The following PDLIM3 variants were observed in gnomAD, a reference collection of about 807,000 sequenced individuals.
PDLIM3 encodes PDZ and LIM domain 3.
Under a neutral mutation model 37.3 loss-of-function variants are expected in PDLIM3, and 36 were observed. The observed-to-expected ratio is 0.97, with a 90% CI of 0.74 to 1.28. PDLIM3 has a LOEUF of 1.28. Among genes scored for constraint, PDLIM3 ranks in the 50% most tolerant of loss-of-function variants. The pLI, the probability that PDLIM3 is intolerant of heterozygous loss-of-function variation, is 0.00. For synonymous variants in PDLIM3, 174 were observed against 182.4 expected (o/e 0.95, Z 0.37); for missense variants, 454 against 485.0 (o/e 0.94, Z 0.60).
intron 4 of PDLIM3, 111 bp from the exon 5 acceptor site, chr4:185,508,673 T>C: frequency 9.5e-7 from 1 of 1,052,160 alleles, no homozygotes; most frequent in Non-Finnish European, 1.5e-6. Flanking sequence ...AAGACAAAAG[T>C]GAGAGGTGAA....
In PDLIM3 at chr4:185,502,356, C is replaced by G. The variant is rs373408599; in HGVS notation, c.1033G>C (p.Ala345Pro). 1.9e-6 allele frequency: 3 copies of G among 1,614,220 alleles called. No homozygotes were observed. Among genetic ancestry groups the G allele is most frequent in the East Asian group, 2.2e-5 (1 of 44,880 alleles). The stretch of plus-strand genomic sequence containing the variant: ...TCTGGGGGCTTTGTGCGGGCTCTTG[C>G]GTGGGTTTCGCAGTACAGCTCCCCT... ...IEGELYCETH[A>P]RARTKPPEGY... The change falls in exon 8 of 8, where the codon GCA becomes CCA. Residue 345 changes from alanine (A) to proline (P), a missense_variant. Physicochemically the swap from Ala to Pro is conservative, Grantham distance 27. Coordinates refer to ENST00000284767, the MANE Select transcript of PDLIM3 (RefSeq NM_014476.6).
Position 185,535,415 on chromosome 4 carries a change from A to C in PDLIM3, c.20T>G (p.Leu7Arg). ...GAAGCCCCAGGGCGCAGGGCCCGGG[A>C]GGATCACCGTCTGGGGCATGCCGCC... MPQTVI[L>R]PGPAPWGFRL... The change falls in exon 1 of 8, where the codon CTC (leucine) becomes CGC (arginine). Residue 7 changes from leucine to arginine, a missense_variant. By Grantham distance (102) the Leu-to-Arg change is moderately radical. Transcript: ENST00000284767. 1 of 1,602,822 alleles carries C rather than the reference A, an allele frequency of 6.2e-7. No individual in the cohort carries two copies. Among genetic ancestry groups the C allele is most frequent in the Non-Finnish European group, 8.5e-7 (1 of 1,175,450 alleles).
intron 3 of PDLIM3, among the ~76,000 whole-genome samples, chr4:185,519,552 G>T (rs1050607162): frequency 1.3e-5 from 2 of 152,170 alleles, no homozygotes; most frequent in Admixed American, 1.3e-4. Context: ...CTCCCAAAGT[G>T]CTGGGACTAC....
chr4:185,533,220 C>T (rs1239932699), intron 1 of PDLIM3, among the ~76,000 whole-genome samples: 3 of 152,178 alleles, frequency 2.0e-5, no homozygotes, highest in Non-Finnish European at 4.4e-5. Context: ...ACACTTACAA[C>T]CTCACACACT....
chr4:185,516,585 A>G (rs999733407), intron 3 of PDLIM3: 3 of 152,228 alleles, frequency 2.0e-5, no homozygotes, highest in Non-Finnish European at 4.4e-5. Flanking sequence ...AACTTCCTGT[A>G]GGGACCCCAG....
In PDLIM3 at chr4:185,514,594, G is replaced by T; in HGVS notation, c.331-257C>A. 7.9e-7 allele frequency: 1 copy of T among 1,269,562 alleles called. No homozygotes were observed. The highest frequency in any genetic ancestry group is 1.1e-6 in the Non-Finnish European group (1 of 927,466). The allele number at this position is 1,269,562 out of a possible 1,614,324, so 78.6% of individuals were successfully genotyped here. The stretch of plus-strand genomic sequence containing the variant: ...GTCTTTAAAAGAGAAATCTGATAGT[G>T]CCTTCAGGAAAGTAAAAATAAAACA... On this transcript the variant is annotated intron_variant, in intron 3 of 7. Transcript: ENST00000284767. The surrounding 1 kb of genome is among the most constrained non-coding windows in gnomAD (Gnocchi z 4.0).
chr4:185,503,630 GC>G (rs1312838995), intron 7 of PDLIM3, among the ~76,000 whole-genome samples: 1 of 152,196 alleles, frequency 6.6e-6, no homozygotes, highest in African/African-American at 2.4e-5. Context: ...ACTTGATCCT[GC>G]ACTAGCAAGT....
intron 4 of PDLIM3, chr4:185,513,023 C>T (rs1286235232): frequency 3.0e-6 from 3 of 985,234 alleles, no homozygotes; most frequent in Non-Finnish European, 3.6e-6. Context: ...GGATTTGATT[C>T]CTTTATCCAG....
At chr4:185,506,716 C>T in intron 5 of PDLIM3, 64 bp from the exon 6 acceptor site, 1 of 1,519,030 alleles carries the variant, frequency 6.6e-7, no homozygotes. Context: ...TGCAAGAGGC[C>T]AGAGACATCA....
intron 4 of PDLIM3, chr4:185,512,424 C>T (rs926725400): frequency 6.6e-6 from 1 of 152,620 alleles, no homozygotes; most frequent in Admixed American, 6.6e-5. Context: ...GTTTTTTAAG[C>T]AAACCTTCTC....
rs1326853948 is a variant in PDLIM3 at position 185,502,476 on chromosome 4, C to T, written c.913G>A (p.Val305Met). ...CGGTACTTATCCCGCGCCTTCACCA[C>T]AGCACCGCTGTTGGGGAAGAAAACG... ...DKCGSGIVGA[V>M]VKARDKYRHP... is the part of the protein sequence containing the mutation. The change falls in exon 8 of 8, where the codon GTG (valine) becomes ATG (methionine). Residue 305 changes from valine (V) to methionine (M), a missense_variant. By Grantham distance (21) the Val-to-Met change is conservative. Transcript: ENST00000284767. The T allele has an allele frequency of 1.6e-5, 26 of 1,614,088 alleles. No homozygotes were observed. Among genetic ancestry groups the T allele is most frequent in the Non-Finnish European group, 2.2e-5 (26 of 1,179,968 alleles).
At chr4:185,532,613 G>A (rs1382756350) in intron 1 of PDLIM3, among the ~76,000 whole-genome samples, 1 of 152,130 alleles carries the variant, frequency 6.6e-6, no homozygotes, top group East Asian at 1.9e-4. Flanking sequence ...GGGGAGGAAA[G>A]GGAGAGACAA....
At chr4:185,509,844 G>A (rs1047496242) in intron 4 of PDLIM3, among the ~76,000 whole-genome samples, 1 of 152,138 alleles carries the variant, frequency 6.6e-6, no homozygotes, top group Non-Finnish European at 1.5e-5. Context: ...AAGGTATTGA[G>A]CAGTAACTTT....
chr4:185,521,682 C>T (rs1448222699), intron 3 of PDLIM3, among the ~76,000 whole-genome samples: 1 of 66,096 alleles, frequency 1.5e-5, no homozygotes, highest in African/African-American at 2.8e-5. Flanking sequence ...TGAGTCAATG[C>T]GCCTGGCCCC....
Position 185,502,379 on chromosome 4 carries a change from C to A in PDLIM3, c.1010G>T (p.Gly337Val), listed in dbSNP as rs535502739. 1 of 1,614,200 alleles carries A rather than the reference C, an allele frequency of 6.2e-7. No individual in the cohort carries two copies. Among genetic ancestry groups the A allele is most frequent in the South Asian group, 1.1e-5 (1 of 91,078 alleles). The change falls in exon 8 of 8, where the codon GGG becomes GTG. Residue 337 changes from glycine (G) to valine (V), a missense_variant. Coordinates refer to ENST00000284767, the MANE Select transcript of PDLIM3 (RefSeq NM_014476.6). ...TGCGTGGGTTTCGCAGTACAGCTCCCCTTCTATGAAGAAGTAGCCCTTTTG... is the reference window on the plus strand; with the variant it reads ...TGCGTGGGTTTCGCAGTACAGCTCCACTTCTATGAAGAAGTAGCCCTTTTG... ...LKQKGYFFIE[G>V]ELYCETHARA...
At chr4:185,530,558 C>A (rs902289384) in intron 1 of PDLIM3, among the ~76,000 whole-genome samples, 1 of 152,174 alleles carries the variant, frequency 6.6e-6, no homozygotes, top group Non-Finnish European at 1.5e-5. Flanking sequence ...CATTTTATAT[C>A]ATGTACACAA....
chr4:185,503,627 C>A (rs925648015), intron 7 of PDLIM3, among the ~76,000 whole-genome samples: 1 of 152,186 alleles, frequency 6.6e-6, no homozygotes, highest in Non-Finnish European at 1.5e-5. Flanking sequence ...TTGACTTGAT[C>A]CTGCACTAGC....
intron 1 of PDLIM3, among the ~76,000 whole-genome samples, chr4:185,532,790 G>T (rs2095746999): frequency 6.6e-6 from 1 of 152,222 alleles, no homozygotes; most frequent in African/African-American, 2.4e-5. Context: ...TCCAGAGACG[G>T]TAAGAATATG....
Position 185,525,140 on chromosome 4 carries a change from T to C in PDLIM3, c.125A>G (p.Asn42Ser). ...ITPGSKAAAA[N>S]LCPGDVILAI... ...CAGGATGACATCTCCAGGACACAGGTTGGCAGCTGCCGCCTTGCTTCCTGG... is the reference window on the plus strand; with the variant it reads ...CAGGATGACATCTCCAGGACACAGGCTGGCAGCTGCCGCCTTGCTTCCTGG... The change falls in exon 2 of 8, where the codon AAC becomes AGC. Residue 42 changes from asparagine (N) to serine (S), a missense_variant. Asn to Ser is a conservative substitution (Grantham distance 46, BLOSUM62 1). Transcript: ENST00000284767. 6.2e-7 allele frequency: 1 copy of C among 1,614,194 alleles called. No individual in the cohort carries two copies. The highest frequency in any genetic ancestry group is 8.5e-7 in the Non-Finnish European group (1 of 1,180,020).
Sources: gnomAD v4.1 joint callset for allele counts (sites outside exome capture counted in the v4.1 genomes callset) on GRCh38, gnomAD v4.1.1 for gene constraint, Gnocchi (gnomAD v3.1) non-coding constraint, MANE v1.5 for transcripts, NCBI Gene and HGNC (gene_info 2026-07-23, HGNC 2026-07-21) for gene names.